NIBAN1: variants seen among roughly 807,000 people sequenced by gnomAD.
The protein encoded by NIBAN1 is protein Niban 1.
A neutral mutation model predicts 75.1 loss-of-function variants in NIBAN1; 81 were observed. The ratio of observed to expected loss-of-function variants is 1.08; its 90% CI spans 0.90 to 1.30. NIBAN1 has a LOEUF of 1.30. NIBAN1 is among the 50% of genes most tolerant of loss of function. The pLI is 0.00. For synonymous variants in NIBAN1, 436 were observed against 424.8 expected (o/e 1.03, Z -0.32); for missense variants, 1,133 against 1,128.1 (o/e 1.00, Z -0.06).
chr1:184,894,020 G>C, intron 3 of NIBAN1, 55 bp downstream of exon 3: 2 of 1,516,480 alleles, frequency 1.3e-6, no homozygotes, highest in South Asian at 1.4e-5. Context: ...CCAATCAACC[G>C]AGCCAAACTT....
chr1:184,884,662 A>G lies in NIBAN1; in HGVS notation c.572T>C (p.Leu191Pro), dbSNP rs910892773. 7 of 1,614,064 alleles carry G rather than the reference A, an allele frequency of 4.3e-6. No individual in the cohort carries two copies. Among genetic ancestry groups the G allele is most frequent in the African/African-American group, 1.3e-5 (1 of 74,944 alleles). The change falls in exon 5 of 14, where the codon CTG (leucine) becomes CCG (proline). Residue 191 changes from leucine to proline, a missense_variant. Coordinates refer to ENST00000367511, the MANE Select transcript of NIBAN1 (RefSeq NM_052966.4). ...AADQKRFSAL[L>P]SDCVRHLNHD... is the part of the protein sequence containing the mutation. ...ATTGAGATGCCTGACGCAGTCACTC[A>G]GGAGGGCACTAAACCTCTTCTGGTC...
At chr1:184,902,122 C>T (rs1352914409) in intron 1 of NIBAN1, among the ~76,000 whole-genome samples, 1 of 152,034 alleles carries the variant, frequency 6.6e-6, no homozygotes, top group Non-Finnish European at 1.5e-5. Context: ...TAAGCTAGCA[C>T]TTTGGGAAGC....
In NIBAN1 at chr1:184,890,146, T is replaced by C. The variant is rs755667821; in HGVS notation, c.395A>G (p.Tyr132Cys). Reference protein sequence around the residue: ...GGKVLTSEDEYNLLSDRHFPD... With the variant: ...GGKVLTSEDECNLLSDRHFPD... ...GAAATGCCTGTCAGACAACAGATTATATTCATCTTCTGAGGTTAACACCTT... is the reference window on the plus strand; with the variant it reads ...GAAATGCCTGTCAGACAACAGATTACATTCATCTTCTGAGGTTAACACCTT... Residue 132 changes from tyrosine (Y) to cysteine (C), a missense_variant, in exon 4 of 14, where the codon TAT becomes TGT. By Grantham distance (194) the Tyr-to-Cys change is radical (BLOSUM62 -2). Transcript: ENST00000367511. 5 of 1,613,950 alleles carry C rather than the reference T, an allele frequency of 3.1e-6. No individual in the cohort carries two copies. Among genetic ancestry groups the C allele is most frequent in the Middle Eastern group, 1.7e-4 (1 of 6,060 alleles).
chr1:184,867,151 GTC>G (rs139222042), intron 5 of NIBAN1, among the ~76,000 whole-genome samples: 233 of 143,098 alleles, frequency 1.6e-3, no homozygotes, highest in African/African-American at 2.1e-3. Flanking sequence ...CTCTCTCTCG[GTC>G]TCTCTCTCTC....
At chr1:184,915,329 T>C (rs894395253) in intron 1 of NIBAN1, among the ~76,000 whole-genome samples, 5 of 152,268 alleles carry the variant, frequency 3.3e-5, no homozygotes, top group African/African-American at 7.2e-5. Flanking sequence ...AGCATTGTAA[T>C]GAAGAATAAA....
intron 1 of NIBAN1, among the ~76,000 whole-genome samples, chr1:184,944,069 T>G (rs920339782): frequency 2.6e-5 from 4 of 152,214 alleles, no homozygotes; most frequent in African/African-American, 9.6e-5. Context: ...GCTGTCTTTG[T>G]GTACATGGAG....
chr1:184,895,297 C>A (rs905390417), intron 2 of NIBAN1, among the ~76,000 whole-genome samples: 20 of 152,118 alleles, frequency 1.3e-4, no homozygotes, highest in African/African-American at 4.8e-4. Flanking sequence ...TTATGTGCAG[C>A]TTTTCTTAAA....
intron 12 of NIBAN1, among the ~76,000 whole-genome samples, chr1:184,802,883 G>T (rs1654083174): frequency 6.6e-6 from 1 of 152,130 alleles, no homozygotes; most frequent in African/African-American, 2.4e-5. Context: ...TTCACACTCT[G>T]GTGGTCACCA....
chr1:184,823,398 G>T (rs945546061), intron 7 of NIBAN1, 69 bp from the exon 8 acceptor site: 9 of 1,569,540 alleles, frequency 5.7e-6, no homozygotes, highest in Non-Finnish European at 6.9e-6. Flanking sequence ...CAAGTGGAGG[G>T]AGGAGCCTTC....
intron 5 of NIBAN1, among the ~76,000 whole-genome samples, chr1:184,843,992 G>T (rs1156754234): frequency 2.0e-5 from 3 of 152,134 alleles, no homozygotes; most frequent in African/African-American, 7.2e-5. Context: ...ACACAACTTG[G>T]ATACGATTTA....
At chr1:184,877,302 A>ATGTG (rs1227074930) in intron 5 of NIBAN1, among the ~76,000 whole-genome samples, 1 of 152,172 alleles carries the variant, frequency 6.6e-6, no homozygotes, top group African/African-American at 2.4e-5. Flanking sequence ...GATTAAGCAT[A>ATGTG]TGTGATAAAG....
chr1:184,965,841 T>G (rs1658770323), intron 1 of NIBAN1, among the ~76,000 whole-genome samples: 1 of 152,222 alleles, frequency 6.6e-6, no homozygotes, highest in African/African-American at 2.4e-5. Flanking sequence ...ATTCTGAGAC[T>G]GATCAAGTCT....
At chr1:184,928,924 A>AT (rs1657752129) in intron 1 of NIBAN1, among the ~76,000 whole-genome samples, 2 of 151,986 alleles carry the variant, frequency 1.3e-5, no homozygotes, top group African/African-American at 4.8e-5. Flanking sequence ...AGTCCTCTTC[A>AT]TTTTCACGTG....
chr1:184,822,360 A>T (rs1654726535), intron 8 of NIBAN1, among the ~76,000 whole-genome samples: 2 of 152,246 alleles, frequency 1.3e-5, no homozygotes, highest in South Asian at 4.1e-4. Context: ...TAAAGGACCA[A>T]ATAGTAAATA....
chr1:184,839,332 G>C (rs1463464347), intron 5 of NIBAN1, among the ~76,000 whole-genome samples: 1 of 151,980 alleles, frequency 6.6e-6, no homozygotes, highest in Admixed American at 6.6e-5. Context: ...TCTCAAATAA[G>C]ATCTCAAATT....
intron 2 of NIBAN1, among the ~76,000 whole-genome samples, chr1:184,897,820 C>G (rs1435020498): frequency 1.3e-5 from 2 of 152,130 alleles, no homozygotes; most frequent in African/African-American, 2.4e-5. Context: ...ACACCCAACC[C>G]AACAGTATGT....
At chr1:184,851,609 C>A (rs1655536788) in intron 5 of NIBAN1, among the ~76,000 whole-genome samples, 1 of 24,102 alleles carries the variant, frequency 4.1e-5, no homozygotes. Context: ...GCACATGTAC[C>A]CTAAAACTTA....
intron 1 of NIBAN1, among the ~76,000 whole-genome samples, chr1:184,964,251 C>T (rs1658722130): frequency 6.6e-6 from 1 of 152,112 alleles, no homozygotes; most frequent in Non-Finnish European, 1.5e-5. Context: ...TCACAGAGCT[C>T]CCTTCAGTCA....
intron 1 of NIBAN1, among the ~76,000 whole-genome samples, chr1:184,924,192 T>C (rs767366382): frequency 5.9e-5 from 9 of 152,098 alleles, no homozygotes; most frequent in Non-Finnish European, 1.2e-4. Context: ...CTGTCATATA[T>C]GGCTTTTATG....
Sources: gnomAD v4.1 joint callset for allele counts (sites outside exome capture counted in the v4.1 genomes callset) on GRCh38, gnomAD v4.1.1 for gene constraint, MANE v1.5 for transcripts, NCBI Gene and HGNC (gene_info 2026-07-23, HGNC 2026-07-21) for gene names.